The following TTC28 variants were observed in gnomAD, a reference collection of about 807,000 sequenced individuals.
TTC28 encodes tetratricopeptide repeat protein 28.
TTC28 carries 61 observed loss-of-function variants against 198.0 expected under a neutral mutation model. The ratio of observed to expected loss-of-function variants is 0.31; its 90% CI spans 0.25 to 0.38. The LOEUF (loss-of-function observed/expected upper bound fraction) is 0.38, where lower values mean the gene tolerates loss of function less well. TTC28 is among the 10% of genes least tolerant of loss of function. The pLI is 1.00. For missense variants in TTC28, 2,678 were observed against 3,164.0 expected, an observed-to-expected ratio of 0.85 and a Z score of 3.69; for synonymous variants, 1,171 against 1,297.8, an observed-to-expected ratio of 0.90 and a Z score of 2.10.
rs780397013 is a variant in TTC28 at position 28,107,514 on chromosome 22, G to A, written c.2331C>T (p.His777=). ...CCTGATATACCTCCAGTTCCTGTGT[G>A]TGATAACCCAGGGCCTTGTCATACT... is the stretch of plus-strand genomic sequence containing the variant. ...IQKYDKALGY[H]TQELEVYQEL... The change falls in exon 7 of 23, where the codon CAC becomes CAT. Residue 777 remains histidine (H), a synonymous_variant. Coordinates refer to ENST00000397906, the MANE Select transcript of TTC28 (RefSeq NM_001145418.2). 1.9e-6 allele frequency: 3 copies of A among 1,551,710 alleles called. No homozygotes were observed. The highest frequency in any genetic ancestry group is 1.7e-6 in the Non-Finnish European group (2 of 1,147,042).
intron 6 of TTC28, among the ~76,000 whole-genome samples, chr22:28,119,703 C>T (rs1480381135): frequency 6.6e-6 from 1 of 152,182 alleles, no homozygotes; most frequent in East Asian, 1.9e-4. Flanking sequence ...AATGAAAAGA[C>T]ATCACACCCA....
At chr22:28,111,314 A>G (rs1250138922) in intron 6 of TTC28, among the ~76,000 whole-genome samples, 1 of 152,150 alleles carries the variant, frequency 6.6e-6, no homozygotes, top group Non-Finnish European at 1.5e-5. Flanking sequence ...TGGAAGGATC[A>G]GGGTTTTTCC....
chr22:28,611,160 T>C (rs1314818979), intron 2 of TTC28, among the ~76,000 whole-genome samples: 1 of 152,114 alleles, frequency 6.6e-6, no homozygotes, highest in Non-Finnish European at 1.5e-5. Flanking sequence ...CAGGATATTA[T>C]CCAAGAGAAC....
At chr22:28,192,291 G>C (rs1924892713) in intron 5 of TTC28, among the ~76,000 whole-genome samples, 2 of 152,022 alleles carry the variant, frequency 1.3e-5, no homozygotes, top group Admixed American at 1.3e-4. Context: ...CCATCTGTAT[G>C]TCACCATCAT....
rs1254549170 is a variant in TTC28, at chr22:27,979,948, A to T, written c.*2273T>A. The T allele has an allele frequency of 1.3e-5, 2 of 152,254 alleles. No homozygotes were observed. The highest frequency in any genetic ancestry group is 2.9e-5 in the Non-Finnish European group (2 of 68,048). 9.4% of individuals were successfully genotyped at this position (152,254 alleles called of 1,614,324 possible). ...TATGAAACCTAAAACAACGATGTACATGGGACTAAAACCAGGTTAGAGTCC... is the reference window on the plus strand; with the variant it reads ...TATGAAACCTAAAACAACGATGTACTTGGGACTAAAACCAGGTTAGAGTCC... On this transcript the variant is annotated 3_prime_UTR_variant, in exon 23 of 23. Transcript: ENST00000397906.
At chr22:28,652,732 G>T (rs976005642) in intron 1 of TTC28, among the ~76,000 whole-genome samples, 2 of 152,076 alleles carry the variant, frequency 1.3e-5, no homozygotes, top group African/African-American at 4.8e-5. Flanking sequence ...ATCTAGTTTT[G>T]CCTGCAGGTA....
chr22:28,390,054 G>A (rs887791928), intron 2 of TTC28, among the ~76,000 whole-genome samples: 21 of 150,270 alleles, frequency 1.4e-4, no homozygotes, highest in South Asian at 1.1e-3. Context: ...CTTTGTTCTC[G>A]TTGGTTTCAA....
chr22:28,312,620 A>G (rs934414592), intron 2 of TTC28, among the ~76,000 whole-genome samples: 1 of 152,244 alleles, frequency 6.6e-6, no homozygotes, highest in Non-Finnish European at 1.5e-5. Context: ...TACTGGGTAC[A>G]TAACAAAATG....
intron 15 of TTC28, chr22:28,000,229 A>C (rs984365294): frequency 6.6e-6 from 1 of 152,210 alleles, no homozygotes; most frequent in Non-Finnish European, 1.5e-5. Flanking sequence ...TCTTTGCTTC[A>C]TAAGAAAAGT....
intron 2 of TTC28, among the ~76,000 whole-genome samples, chr22:28,448,984 C>T (rs1021029368): frequency 1.3e-5 from 2 of 152,102 alleles, no homozygotes; most frequent in African/African-American, 4.8e-5. Context: ...CTTGAGGAGG[C>T]AGGAGTCTGG....
chr22:28,518,126 T>A (rs1489169458), intron 2 of TTC28, among the ~76,000 whole-genome samples: 1 of 152,130 alleles, frequency 6.6e-6, no homozygotes, highest in East Asian at 1.9e-4. Context: ...ACTAGATATA[T>A]CATGCTCAGC....
chr22:28,646,547 G>A (rs570244485), intron 1 of TTC28, among the ~76,000 whole-genome samples: 1 of 152,274 alleles, frequency 6.6e-6, no homozygotes, highest in African/African-American at 2.4e-5. Flanking sequence ...CAGAATTAGA[G>A]ATAGCAACCC....
At position 28,238,663 on chromosome 22, in the gene TTC28, T is replaced by G. The variant is rs16986186; in HGVS notation, c.933+57535A>C. On this transcript the variant is annotated intron_variant, in intron 5 of 22. Transcript: ENST00000397906. ...AGATACAGCCTTTTTAGGGTCTCTA[T>G]TAAATGTCCTGGGTGTTCAACAAGG... Among the ~76,000 whole-genome samples the G allele has an allele frequency of 3.3e-5, 5 of 152,164 alleles. No homozygotes were observed. The East Asian group carries it at 9.6e-4, about 29-fold the overall frequency.
At chr22:28,491,810 CAT>C (rs2048383958) in intron 2 of TTC28, among the ~76,000 whole-genome samples, 2 of 152,118 alleles carry the variant, frequency 1.3e-5, no homozygotes, top group Admixed American at 6.5e-5. Context: ...CACATGCACA[CAT>C]ATGTTTATTG....
intron 12 of TTC28, among the ~76,000 whole-genome samples, chr22:28,076,550 T>C (rs1941177077): frequency 6.6e-6 from 1 of 152,192 alleles, no homozygotes; most frequent in Admixed American, 6.5e-5. Context: ...TCTTCCATCA[T>C]GCACAAGCTG....
intron 13 of TTC28, among the ~76,000 whole-genome samples, chr22:28,015,419 TAAAAAAAAA>T (rs138678): frequency 3.5e-4 from 38 of 109,682 alleles, no homozygotes; most frequent in African/African-American, 8.6e-4. Context: ...GAGATAGCTT[TAAAAAAAAA>T]AAAAAAAAAA....
chr22:28,203,573 T>C (rs1203896972), intron 5 of TTC28, among the ~76,000 whole-genome samples: 1 of 152,154 alleles, frequency 6.6e-6, no homozygotes, highest in Non-Finnish European at 1.5e-5. Flanking sequence ...CTTGGCTTTT[T>C]TATTTTCATA....
chr22:27,988,222 C>T (rs536314323), intron 21 of TTC28, among the ~76,000 whole-genome samples: 3 of 149,114 alleles, frequency 2.0e-5, no homozygotes, highest in Admixed American at 1.3e-4. Flanking sequence ...CTGAGGTGGT[C>T]GGGGAAGGTC....
At chr22:28,154,588 C>T (rs1049181947) in intron 6 of TTC28, among the ~76,000 whole-genome samples, 2 of 151,994 alleles carry the variant, frequency 1.3e-5, no homozygotes, top group East Asian at 1.9e-4. Flanking sequence ...GACCTCCTGA[C>T]CTTGTGATCC....
Sources: gnomAD v4.1 joint callset for allele counts (sites outside exome capture counted in the v4.1 genomes callset) on GRCh38, gnomAD v4.1.1 for gene constraint, MANE v1.5 for transcripts, NCBI Gene and HGNC (gene_info 2026-07-23, HGNC 2026-07-21) for gene names.